Variants in SLC41A3 observed in about 807,000 individuals in gnomAD.
SLC41A3 encodes the protein SLC41A1-like 2.
SLC41A3 carries 44 observed loss-of-function variants against 45.4 expected under a neutral mutation model. The observed-to-expected ratio is 0.97, with a 90% CI of 0.76 to 1.25. The LOEUF (loss-of-function observed/expected upper bound fraction) is 1.25. Among genes scored for constraint, SLC41A3 ranks in the 50% most tolerant of loss-of-function variants. The pLI is 0.00. For missense variants in SLC41A3, 550 were observed against 600.6 expected (o/e 0.92, Z 0.88); for synonymous variants, 256 against 252.4 (o/e 1.01, Z -0.13).
chr3:126,017,334 T>C (rs796488855), intron 6 of SLC41A3, among the ~76,000 whole-genome samples: 5 of 152,198 alleles, frequency 3.3e-5, no homozygotes, highest in South Asian at 4.1e-4. Context: ...AGCAGCCCCG[T>C]CAGGGCTATG....
At chr3:126,085,342 C>A (rs11706188), upstream of SLC41A3, 34,296 of 152,152 alleles carry the variant, frequency 0.23, 4,040 homozygotes, top group Middle Eastern at 0.33. Flanking sequence ...CAATAAATCT[C>A]TTCAAATATT....
intron 1 of SLC41A3, among the ~76,000 whole-genome samples, chr3:126,100,848 G>C (rs769276616): frequency 5.9e-5 from 9 of 152,096 alleles, no homozygotes; most frequent in Non-Finnish European, 1.3e-4. Context: ...ACCACACTCC[G>C]GGTTTGACTC....
At chr3:126,082,394 C>A (rs960650761) in intron 1 of SLC41A3, among the ~76,000 whole-genome samples, 2 of 152,344 alleles carry the variant, frequency 1.3e-5, no homozygotes, top group African/African-American at 2.4e-5. Context: ...GGGGGTGATA[C>A]AGGACAGCCC....
intron 2 of SLC41A3, among the ~76,000 whole-genome samples, chr3:126,063,189 C>T (rs527649056): frequency 6.6e-6 from 1 of 152,332 alleles, no homozygotes; most frequent in South Asian, 2.1e-4. Context: ...CTGAGGTCTC[C>T]TTAAAAATAG....
chr3:126,071,215 T>C (rs937594897), intron 1 of SLC41A3, among the ~76,000 whole-genome samples: 1 of 152,116 alleles, frequency 6.6e-6, no homozygotes, highest in Non-Finnish European at 1.5e-5. Context: ...AAATATACCA[T>C]GCAAACAATA....
At chr3:126,097,147 G>A (rs1474754352) in intron 1 of SLC41A3, among the ~76,000 whole-genome samples, 1 of 152,184 alleles carries the variant, frequency 6.6e-6, no homozygotes, top group Non-Finnish European at 1.5e-5. Context: ...CCCTGAGGGT[G>A]GGTTTTCCTC....
intron 9 of SLC41A3, among the ~76,000 whole-genome samples, chr3:126,011,220 A>G (rs1036243774): frequency 2.0e-5 from 3 of 152,210 alleles, no homozygotes; most frequent in African/African-American, 7.2e-5. Context: ...AGAAATAGAA[A>G]GTCTCAGAAA....
chr3:126,079,762 C>T (rs1184598316), intron 1 of SLC41A3, among the ~76,000 whole-genome samples: 3 of 152,128 alleles, frequency 2.0e-5, no homozygotes, highest in East Asian at 1.9e-4. Flanking sequence ...CTACAATAGA[C>T]CCCAAATAGC....
intron 1 of SLC41A3, among the ~76,000 whole-genome samples, chr3:126,078,373 C>T (rs1481851522): frequency 1.3e-5 from 2 of 152,160 alleles, no homozygotes; most frequent in Non-Finnish European, 2.9e-5. Flanking sequence ...GGAGAGACAG[C>T]TAGTGGAGAA....
At chr3:126,090,966 A>G (rs1173007922) in intron 1 of SLC41A3, among the ~76,000 whole-genome samples, 5 of 152,168 alleles carry the variant, frequency 3.3e-5, no homozygotes, top group African/African-American at 1.2e-4. Context: ...ATGGTACCCC[A>G]GCTGCCTAGG....
chr3:126,070,707 G>A (rs547064436), intron 1 of SLC41A3, among the ~76,000 whole-genome samples: 214 of 152,114 alleles, frequency 1.4e-3, no homozygotes, highest in Non-Finnish European at 2.6e-3. Context: ...CAGAGCATTC[G>A]TCCCCAGCAC....
chr3:126,056,601 G>T, intron 2 of SLC41A3: 3 of 1,580,450 alleles, frequency 1.9e-6, no homozygotes, highest in South Asian at 1.2e-5. Context: ...AGAGCCTGGG[G>T]TGCTCCAGTC....
rs974607148 is a variant in SLC41A3 at position 126,011,475 on chromosome 3, A to C, written c.1105+1140T>G. On this transcript the variant is annotated intron_variant, in intron 9 of 10. Transcript: ENST00000360370. The stretch of plus-strand genomic sequence containing the variant: ...GGGACTTGTGGGGCTGTAACAGAGG[A>C]TCTAACATTCATGTCATTAGAATAT... Among the ~76,000 whole-genome samples the C allele has an allele frequency of 2.6e-5, 4 of 152,340 alleles. No homozygotes were observed. In the East Asian group the frequency reaches 7.7e-4, roughly 29 times the overall value.
intron 6 of SLC41A3, among the ~76,000 whole-genome samples, chr3:126,019,340 G>T (rs1408728380): frequency 2.6e-5 from 4 of 151,994 alleles, no homozygotes; most frequent in Non-Finnish European, 5.9e-5. Flanking sequence ...CCTCTTAAAG[G>T]CCCCACTTTT....
intron 4 of SLC41A3, among the ~76,000 whole-genome samples, chr3:126,027,892 T>C (rs919739796): frequency 2.0e-5 from 3 of 152,200 alleles, no homozygotes; most frequent in African/African-American, 7.2e-5. Context: ...CTGTGTAACT[T>C]TGAACTTGAG....
intron 2 of SLC41A3, chr3:126,056,775 T>G: frequency 7.3e-7 from 1 of 1,376,350 alleles, no homozygotes; most frequent in Non-Finnish European, 9.4e-7. Context: ...ACTCACGGCC[T>G]CATTACAGAG....
At position 126,026,684 on chromosome 3, in the gene SLC41A3, C is replaced by T. The variant is rs951252079; in HGVS notation, c.454-205G>A. 7.9e-5 allele frequency among the ~76,000 whole-genome samples: 12 copies of T among 152,330 alleles called. No homozygotes were observed. Among genetic ancestry groups the T allele is most frequent in the African/African-American group, 1.7e-4 (7 of 41,568 alleles). On this transcript the variant is annotated intron_variant, in intron 4 of 10. Transcript: ENST00000360370. The surrounding 1 kb of genome is among the most constrained non-coding windows in gnomAD (Gnocchi z 4.2). ...CTTGAACTCAACTCCTCCGAAACCA[C>T]GCTGGCCACCTCTGCTCCCTTGCTA... is the stretch of plus-strand genomic sequence containing the variant.
intron 2 of SLC41A3, among the ~76,000 whole-genome samples, chr3:126,063,949 A>ACC (rs56806357): frequency 0.24 from 24,139 of 102,068 alleles, 4,234 homozygotes; most frequent in Middle Eastern, 0.36. Context: ...GCCAGATCCA[A>ACC]CCCCCCCCCG....
rs957730582 is a variant in SLC41A3 at position 126,067,196 on chromosome 3, G to A, written c.273+751C>T. ...TGCTCTTTACCCAGCAATTCTACTC[G>A]CAACAAGTTATCCTACCAATTTATT... On this transcript the variant is annotated intron_variant, in intron 2 of 10. Transcript: ENST00000360370. Among the ~76,000 whole-genome samples the A allele has an allele frequency of 8.2e-5, 12 of 146,580 alleles. No homozygotes were observed. In the South Asian group the frequency reaches 1.3e-3, roughly 16 times the overall value.
Sources: gnomAD v4.1 joint callset for allele counts (sites outside exome capture counted in the v4.1 genomes callset) on GRCh38, gnomAD v4.1.1 for gene constraint, Gnocchi (gnomAD v3.1) non-coding constraint, MANE v1.5 for transcripts, NCBI Gene and HGNC (gene_info 2026-07-23, HGNC 2026-07-21) for gene names.